Variants in TMEM114 observed in about 807,000 individuals in gnomAD.
TMEM114 encodes the protein transmembrane protein 114, also known as claudin-26.
A neutral mutation model predicts 6.2 loss-of-function variants in TMEM114; 6 were observed. The ratio of observed to expected loss-of-function variants is 0.97; its 90% CI spans 0.53 to 1.91. The LOEUF is 1.91. TMEM114 is among the 40% of genes most tolerant of loss of function. The probability of loss-of-function intolerance (pLI) is 0.01; values close to 1 mark genes in which losing one functional copy is unlikely to be tolerated. For missense variants in TMEM114, 218 were observed against 158.3 expected (o/e 1.38, Z -2.02); for synonymous variants, 104 against 73.0 (o/e 1.42, Z -2.16).
intron 2 of TMEM114, among the ~76,000 whole-genome samples, chr16:8,549,857 A>G (rs887320555): frequency 6.6e-6 from 1 of 152,098 alleles, no homozygotes; most frequent in African/African-American, 2.4e-5. Flanking sequence ...TATTCAGGAG[A>G]ATTGGCTCAC....
chr16:8,557,717 A>C (rs899449927), intron 2 of TMEM114, among the ~76,000 whole-genome samples: 3 of 152,148 alleles, frequency 2.0e-5, no homozygotes, highest in Non-Finnish European at 4.4e-5. Flanking sequence ...CTGAGCCTCA[A>C]TTTCCTCATT....
intron 2 of TMEM114, among the ~76,000 whole-genome samples, chr16:8,584,343 T>C (rs1359657139): frequency 6.6e-6 from 1 of 152,198 alleles, no homozygotes; most frequent in Non-Finnish European, 1.5e-5. Context: ...TAATCTACAC[T>C]GTGCTGAATT....
the TMEM114 span, among the ~76,000 whole-genome samples, chr16:8,526,984 G>A: frequency 6.6e-6 from 1 of 152,204 alleles, no homozygotes; most frequent in African/African-American, 2.4e-5. Flanking sequence ...AAGACAGGTG[G>A]ATCACCTGAG....
chr16:8,571,728 A>G (rs1901740435), intron 3 of TMEM114, among the ~76,000 whole-genome samples: 1 of 152,156 alleles, frequency 6.6e-6, no homozygotes, highest in South Asian at 2.1e-4. Flanking sequence ...AGTATCTATC[A>G]GAATGGCTGA....
intron 2 of TMEM114, among the ~76,000 whole-genome samples, chr16:8,541,570 C>CTTCAT (rs941710178): frequency 8.1e-6 from 1 of 123,628 alleles, no homozygotes; most frequent in African/African-American, 3.9e-5. Context: ...CAACATGAAG[C>CTTCAT]TTCATTCCAG....
intron 2 of TMEM114, among the ~76,000 whole-genome samples, chr16:8,583,314 G>C (rs1375793075): frequency 6.6e-6 from 1 of 152,194 alleles, no homozygotes; most frequent in Non-Finnish European, 1.5e-5. Context: ...GCTCAGGAAG[G>C]CAATGTGAAT....
chr16:8,562,084 ATGAG>A (rs61728546), intron 2 of TMEM114, among the ~76,000 whole-genome samples: 5,704 of 138,540 alleles, frequency 0.041, 158 homozygotes, highest in South Asian at 0.12. Flanking sequence ...GAGTGAATGA[ATGAG>A]TGAGTGAGTG....
intron 2 of TMEM114, among the ~76,000 whole-genome samples, chr16:8,547,199 G>C (rs1188118900): frequency 6.6e-5 from 10 of 152,026 alleles, no homozygotes; most frequent in African/African-American, 2.4e-4. Flanking sequence ...CATGATTTTT[G>C]CATTAAAGAC....
At chr16:8,568,254 G>A (rs1901611189), downstream of TMEM114, among the ~76,000 whole-genome samples, 1 of 152,282 alleles carries the variant, frequency 6.6e-6, no homozygotes, top group Middle Eastern at 3.4e-3. Flanking sequence ...AGAGAGCAAG[G>A]TCTGGGTCTG....
the TMEM114 span, chr16:8,526,584 G>C: frequency 6.6e-6 from 1 of 151,332 alleles, no homozygotes; most frequent in East Asian, 2.0e-4. Flanking sequence ...TTTGTATCGC[G>C]ATCAAGATGA....
At position 8,561,381 on chromosome 16, in the gene TMEM114, A is replaced by C. The variant is rs200634319; in HGVS notation, n.213-23555T>G. On this transcript the variant is annotated intron_variant and non_coding_transcript_variant, in intron 2 of 2. Transcript: ENST00000623677. Reference sequence around the variant, plus strand: ...CTGCCACCTTCTCCCCATCTGCTTTACAGAACTTCTTACCAGGAAGCATAC... The same window carrying C: ...CTGCCACCTTCTCCCCATCTGCTTTCCAGAACTTCTTACCAGGAAGCATAC... Among the ~76,000 whole-genome samples the C allele has an allele frequency of 5.3e-5, 8 of 152,344 alleles. No individual in the cohort carries two copies. The East Asian group carries it at 1.5e-3, about 29-fold the overall frequency.
chr16:8,583,564 G>T (rs946776830), intron 2 of TMEM114, among the ~76,000 whole-genome samples: 2 of 152,072 alleles, frequency 1.3e-5, no homozygotes, highest in Non-Finnish European at 2.9e-5. Context: ...GGGCAGAATA[G>T]TAAGACCCCC....
chr16:8,535,799 C>T (rs1900339760), downstream of TMEM114, among the ~76,000 whole-genome samples: 2 of 152,176 alleles, frequency 1.3e-5, no homozygotes, highest in African/African-American at 4.8e-5. Context: ...GTTTCATGTG[C>T]TGCCTGGGGT....
intron 3 of TMEM114, 126 bp downstream of exon 3, chr16:8,571,961 C>A: frequency 1.6e-6 from 2 of 1,221,656 alleles, no homozygotes; most frequent in Non-Finnish European, 2.2e-6. Context: ...CAACTGATAT[C>A]CCAGAAGGGG....
chr16:8,531,450 T>G, the TMEM114 span, among the ~76,000 whole-genome samples: 1 of 152,226 alleles, frequency 6.6e-6, no homozygotes, highest in East Asian at 1.9e-4. Flanking sequence ...ATGGCCACGT[T>G]TGAAACTGCT....
intron 2 of TMEM114, among the ~76,000 whole-genome samples, chr16:8,554,123 C>G (rs1045861071): frequency 6.6e-6 from 1 of 152,120 alleles, no homozygotes; most frequent in Non-Finnish European, 1.5e-5. Flanking sequence ...AGGTGATCCA[C>G]CCGACTTGGC....
chr16:8,559,109 C>T (rs767335576), intron 2 of TMEM114, among the ~76,000 whole-genome samples: 2 of 152,060 alleles, frequency 1.3e-5, no homozygotes, highest in Non-Finnish European at 2.9e-5. Flanking sequence ...GTGGCATGAT[C>T]TCGGCTCACT....
intron 2 of TMEM114, among the ~76,000 whole-genome samples, chr16:8,555,933 C>G (rs1278032208): frequency 6.6e-6 from 1 of 152,220 alleles, no homozygotes; most frequent in Admixed American, 6.5e-5. Flanking sequence ...CCAACTGCCT[C>G]TTGGACGTGT....
intron 2 of TMEM114, among the ~76,000 whole-genome samples, chr16:8,562,962 G>T (rs1368623398): frequency 4.0e-5 from 4 of 99,954 alleles, no homozygotes; most frequent in South Asian, 3.1e-4. Flanking sequence ...GTGAGTGAAT[G>T]AGTGAGAGAG....
Sources: allele counts gnomAD v4.1 joint callset (sites outside exome capture counted in the v4.1 genomes callset), GRCh38; gene constraint gnomAD v4.1.1; transcripts MANE v1.5; gene names NCBI Gene and HGNC (gene_info 2026-07-23, HGNC 2026-07-21).